Variants in PON3 observed in about 807,000 individuals in gnomAD.
PON3 encodes the protein serum paraoxonase/lactonase 3.
A neutral mutation model predicts 36.3 loss-of-function variants in PON3; 37 were observed. The observed-to-expected ratio is 1.02, with a 90% CI of 0.78 to 1.34. The LOEUF (loss-of-function observed/expected upper bound fraction) is 1.34. Ranked by LOEUF, PON3 falls within the 40% of genes most tolerant of loss-of-function variation. The pLI, the probability that PON3 is intolerant of heterozygous loss-of-function variation, is 0.00. For missense variants in PON3, 415 were observed against 426.5 expected, an observed-to-expected ratio of 0.97 and a Z score of 0.24; for synonymous variants, 155 against 154.8, an observed-to-expected ratio of 1.00 and a Z score of -0.01.
At chr7:95,387,046 A>C (rs1809208497) in intron 3 of PON3, among the ~76,000 whole-genome samples, 1 of 152,154 alleles carries the variant, frequency 6.6e-6, no homozygotes, top group African/African-American at 2.4e-5. Flanking sequence ...ATAGGCAAAA[A>C]CTGGAAGCAT....
rs1356220105 is a variant in PON3 at position 95,396,283 on chromosome 7, G to A, written c.68C>T (p.Ala23Val). 1.9e-6 allele frequency: 3 copies of A among 1,613,866 alleles called. No individual in the cohort carries two copies. The African/African-American group carries it at 4.0e-5, about 22-fold the overall frequency. ...CTGTCAAGATGCCACTCACCTAAAC[G>A]CCAGGAACATCTCCCCGACTAAGGA... ...GLSLVGEMFLAFRERVNASRE... is the reference protein window; with the variant it reads ...GLSLVGEMFLVFRERVNASRE... The change falls in exon 1 of 9, where the codon GCG (alanine) becomes GTG (valine). Residue 23 changes from alanine (A) to valine (V), a missense_variant. Physicochemically the swap from Ala to Val is moderately conservative, Grantham distance 64. Coordinates refer to ENST00000265627, the MANE Select transcript of PON3 (RefSeq NM_000940.3).
chr7:95,360,247 T>A, intron 8 of PON3, 116 bp from the exon 9 acceptor site: 1 of 984,456 alleles, frequency 1.0e-6, no homozygotes, highest in South Asian at 1.3e-5. Flanking sequence ...CTAAAATCTG[T>A]ATATCTTCAA....
chr7:95,379,623 G>A (rs374686914), intron 3 of PON3, among the ~76,000 whole-genome samples: 1 of 152,244 alleles, frequency 6.6e-6, no homozygotes, highest in Admixed American at 6.5e-5. Context: ...AGCAGTTTGA[G>A]ATCGAACTGC....
chr7:95,368,825 A>G (rs564033334), intron 4 of PON3, among the ~76,000 whole-genome samples: 12 of 150,862 alleles, frequency 8.0e-5, no homozygotes, highest in African/African-American at 2.2e-4. Context: ...AAAAAAAAAA[A>G]AAAGAAAGAA....
chr7:95,363,840 G>C (rs371269318), intron 6 of PON3, 23 bp downstream of exon 6: 43 of 1,605,890 alleles, frequency 2.7e-5, no homozygotes, highest in Non-Finnish European at 3.3e-5. Flanking sequence ...GCAAAGGATA[G>C]AAAAATACAC....
intron 4 of PON3, among the ~76,000 whole-genome samples, chr7:95,368,629 T>C (rs1256770041): frequency 6.6e-6 from 1 of 152,164 alleles, no homozygotes; most frequent in Non-Finnish European, 1.5e-5. Flanking sequence ...TTCTTCTCCA[T>C]CTCCTCATTC....
chr7:95,371,010 C>T (rs965931150), intron 4 of PON3, among the ~76,000 whole-genome samples: 1 of 152,194 alleles, frequency 6.6e-6, no homozygotes, highest in African/African-American at 2.4e-5. Context: ...TGTGAATTCA[C>T]CTATTCTGGA....
intron 4 of PON3, among the ~76,000 whole-genome samples, chr7:95,370,917 A>G (rs1451577491): frequency 6.6e-6 from 1 of 152,196 alleles, no homozygotes; most frequent in East Asian, 1.9e-4. Context: ...GAACATTTTC[A>G]TCACCCAAAA....
At chr7:95,370,245 G>A (rs1199140767) in intron 4 of PON3, among the ~76,000 whole-genome samples, 1 of 152,142 alleles carries the variant, frequency 6.6e-6, no homozygotes, top group Non-Finnish European at 1.5e-5. Flanking sequence ...GAATTGAGGT[G>A]GTATGAGAAG....
intron 4 of PON3, among the ~76,000 whole-genome samples, chr7:95,369,947 C>A (rs879853962): frequency 6.6e-6 from 1 of 152,100 alleles, no homozygotes; most frequent in Non-Finnish European, 1.5e-5. Context: ...AAGTGGCAGA[C>A]GGACATTCCA....
rs1001288888 is a variant in PON3 at position 95,387,525 on chromosome 7, A to G, written c.201+2629T>C. ...GAACATTCCATGCTCATGGATAGGAAGAATCAATAACATGAAAATGGCCAT... is the reference window on the plus strand; with the variant it reads ...GAACATTCCATGCTCATGGATAGGAGGAATCAATAACATGAAAATGGCCAT... On this transcript the variant is annotated intron_variant, in intron 3 of 8. Transcript: ENST00000265627. Among the ~76,000 whole-genome samples the G allele has an allele frequency of 1.3e-5, 2 of 152,346 alleles. 1 individual carries two copies. Among genetic ancestry groups the G allele is most frequent in the African/African-American group, 4.8e-5 (2 of 41,584 alleles).
At chr7:95,376,293 G>A (rs913801079) in intron 3 of PON3, among the ~76,000 whole-genome samples, 1 of 152,218 alleles carries the variant, frequency 6.6e-6, no homozygotes, top group Non-Finnish European at 1.5e-5. Flanking sequence ...AGAGAAGCAT[G>A]TCAAGTCCCA....
At chr7:95,383,914 G>A (rs1163300682) in intron 3 of PON3, among the ~76,000 whole-genome samples, 1 of 152,142 alleles carries the variant, frequency 6.6e-6, no homozygotes, top group Non-Finnish European at 1.5e-5. Context: ...TAAGCTAAGA[G>A]AACAAAGCTG....
At chr7:95,396,230 A>C (rs768832031) in intron 1 of PON3, 47 bp downstream of exon 1, 1 of 1,597,172 alleles carries the variant, frequency 6.3e-7, no homozygotes, top group South Asian at 1.1e-5. Flanking sequence ...CTCACTTGGA[A>C]GAGGAGAGAA....
At position 95,362,388 on chromosome 7, in the gene PON3, T is replaced by C; in HGVS notation, c.880A>G (p.Asn294Asp). Reference sequence around the variant, plus strand: ...TCTGATCCTGGAGGGTCCTCAGGGTTATAGTTCAGTAGCTTCATAGGATTA... The same window carrying C: ...TCTGATCCTGGAGGGTCCTCAGGGTCATAGTTCAGTAGCTTCATAGGATTA... ...HPNPMKLLNY[N>D]PEDPPGSEVL... Residue 294 changes from asparagine to aspartate, a missense_variant, in exon 8 of 9, where the codon AAC (asparagine) becomes GAC (aspartate). Transcript: ENST00000265627. 1 of 1,613,768 alleles carries C rather than the reference T, an allele frequency of 6.2e-7. No homozygotes were observed. Among genetic ancestry groups the C allele is most frequent in the Non-Finnish European group, 8.5e-7 (1 of 1,179,750 alleles).
chr7:95,390,031 A>G (rs1809284313), intron 3 of PON3, 123 bp downstream of exon 3: 7 of 1,057,978 alleles, frequency 6.6e-6, no homozygotes, highest in Non-Finnish European at 1.0e-5. Flanking sequence ...TTTTTAGTTG[A>G]CTGGTTTACC....
chr7:95,391,230 T>C (rs1485402678), intron 2 of PON3, among the ~76,000 whole-genome samples: 4 of 152,110 alleles, frequency 2.6e-5, no homozygotes, highest in Non-Finnish European at 5.9e-5. Context: ...AGAAAACACA[T>C]GGAACCTATT....
At chr7:95,396,048 C>G (rs898179420) in intron 1 of PON3, 1 of 587,588 alleles carries the variant, frequency 1.7e-6, no homozygotes. Context: ...GGGATCATAA[C>G]CTTCAAAAAA....
intron 3 of PON3, among the ~76,000 whole-genome samples, chr7:95,382,637 C>A (rs1243918620): frequency 6.6e-6 from 1 of 152,164 alleles, no homozygotes; most frequent in Non-Finnish European, 1.5e-5. Context: ...CATACACCCT[C>A]CCAAGACTAA....
Sources: gnomAD v4.1 joint callset for allele counts (sites outside exome capture counted in the v4.1 genomes callset) on GRCh38, gnomAD v4.1.1 for gene constraint, MANE v1.5 for transcripts, NCBI Gene and HGNC (gene_info 2026-07-23, HGNC 2026-07-21) for gene names.